Variants in DLGAP1 observed in about 807,000 individuals in gnomAD.
The protein encoded by DLGAP1 is disks large-associated protein 1.
A neutral mutation model predicts 90.8 loss-of-function variants in DLGAP1; 11 were observed. The ratio of observed to expected loss-of-function variants is 0.12; its 90% CI spans 0.08 to 0.20. The LOEUF (loss-of-function observed/expected upper bound fraction) is 0.20, where lower values mean the gene tolerates loss of function less well. Among genes scored for constraint, DLGAP1 ranks in the 10% least tolerant of loss-of-function variants. The pLI is 1.00. For synonymous variants in DLGAP1, 558 were observed against 540.7 expected (o/e 1.03, Z -0.44); for missense variants, 1,050 against 1,333.8 (o/e 0.79, Z 3.31).
In DLGAP1 at chr18:3,731,519, C is replaced by T. The variant is rs77232458; in HGVS notation, c.1351-2144G>A. On this transcript the variant is annotated intron_variant, in intron 6 of 12. Coordinates refer to ENST00000315677, the MANE Select transcript of DLGAP1 (RefSeq NM_004746.4). Reference sequence around the variant, plus strand: ...TTACTGTAGCCTCAAGCAATCCTCCCGACTCATTTTCCTGGATAGCTGGGA... The same window carrying T: ...TTACTGTAGCCTCAAGCAATCCTCCTGACTCATTTTCCTGGATAGCTGGGA... 2.0e-3 allele frequency among the ~76,000 whole-genome samples: 298 copies of T among 151,028 alleles called. 3 individuals are homozygous for T. The highest frequency in any genetic ancestry group is 3.5e-3 in the Non-Finnish European group (236 of 67,902).
chr18:4,429,125 G>T (rs1598406724), intron 1 of DLGAP1, among the ~76,000 whole-genome samples: 1 of 152,080 alleles, frequency 6.6e-6, no homozygotes, highest in South Asian at 2.1e-4. Context: ...AATCTATTTA[G>T]GTCAGTATAT....
chr18:3,992,254 A>G (rs1210409843), intron 3 of DLGAP1, among the ~76,000 whole-genome samples: 1 of 152,236 alleles, frequency 6.6e-6, no homozygotes, highest in East Asian at 1.9e-4. Context: ...ACTACTTTGT[A>G]AAGTAGGGAA....
In DLGAP1 at chr18:3,599,461, G is replaced by A. The variant is rs542643106; in HGVS notation, c.1592-17213C>T. Among the ~76,000 whole-genome samples the A allele has an allele frequency of 5.3e-5, 8 of 152,248 alleles. No homozygotes were observed. In the East Asian group the frequency reaches 1.4e-3, roughly 26 times the overall value. ...TTTGGCTAGTGGCTTTTAGAATTGG[G>A]GCAGAAGGATGCCATCCTACTCCCA... On this transcript the variant is annotated intron_variant, in intron 7 of 12. Transcript: ENST00000315677.
At chr18:4,038,958 C>T (rs1377478231) in intron 2 of DLGAP1, among the ~76,000 whole-genome samples, 1 of 152,064 alleles carries the variant, frequency 6.6e-6, no homozygotes, top group Non-Finnish European at 1.5e-5. Flanking sequence ...AATCAAGGCG[C>T]CACAAGGGTT....
intron 7 of DLGAP1, among the ~76,000 whole-genome samples, chr18:3,679,311 A>C (rs2060426131): frequency 6.6e-6 from 1 of 152,030 alleles, no homozygotes; most frequent in African/African-American, 2.4e-5. Context: ...AACATAAAAA[A>C]CAGTGAAGTC....
chr18:4,049,226 CAAAA>C (rs71368721), intron 2 of DLGAP1, among the ~76,000 whole-genome samples: 6 of 134,186 alleles, frequency 4.5e-5, no homozygotes, highest in Non-Finnish European at 1.6e-5. Flanking sequence ...GACTCTGTCT[CAAAA>C]AAAAAAAAAA....
At chr18:3,648,443 G>A (rs373819994) in intron 7 of DLGAP1, among the ~76,000 whole-genome samples, 2 of 152,168 alleles carry the variant, frequency 1.3e-5, no homozygotes, top group East Asian at 1.9e-4. Flanking sequence ...GTGATGTATC[G>A]TTTAAGAGGG....
chr18:3,594,813 C>A (rs1230926998), intron 7 of DLGAP1, among the ~76,000 whole-genome samples: 5 of 152,314 alleles, frequency 3.3e-5, no homozygotes, highest in Non-Finnish European at 7.4e-5. Flanking sequence ...AGCCCAGAAA[C>A]AGGATTCCTG....
In DLGAP1 at chr18:3,793,340, T is replaced by C. The variant is rs201944862; in HGVS notation, c.1172+20719A>G. On this transcript the variant is annotated intron_variant, in intron 5 of 12. Coordinates refer to ENST00000315677, the MANE Select transcript of DLGAP1 (RefSeq NM_004746.4). ...TCTCACTCTCACTGTCCCGGAGGGC[T>C]GTGTGGCTTTCCCTGACTTCCATCC... Among the ~76,000 whole-genome samples the C allele has an allele frequency of 2.6e-5, 4 of 152,254 alleles. No homozygotes were observed. In the East Asian group the frequency reaches 7.7e-4, roughly 29 times the overall value.
intron 1 of DLGAP1, among the ~76,000 whole-genome samples, chr18:4,195,776 A>G (rs906041551): frequency 8.5e-5 from 13 of 152,174 alleles, no homozygotes; most frequent in African/African-American, 3.1e-4. Context: ...TGGTCTCGAA[A>G]TCCCAATGTC....
chr18:3,863,732 C>A (rs1386464788), intron 4 of DLGAP1, among the ~76,000 whole-genome samples: 1 of 152,232 alleles, frequency 6.6e-6, no homozygotes, highest in Non-Finnish European at 1.5e-5. Flanking sequence ...TTCCCCAGGG[C>A]CCGCTCAGCC....
chr18:3,734,929 A>G (rs1833283985), intron 6 of DLGAP1, among the ~76,000 whole-genome samples: 1 of 152,050 alleles, frequency 6.6e-6, no homozygotes, highest in South Asian at 2.1e-4. Flanking sequence ...TTTACTTTAT[A>G]TTTTCTAGAA....
At chr18:4,356,468 C>T (rs2081518740) in intron 1 of DLGAP1, among the ~76,000 whole-genome samples, 1 of 152,108 alleles carries the variant, frequency 6.6e-6, no homozygotes, top group South Asian at 2.1e-4. Flanking sequence ...CCTATGTCAA[C>T]AATGGACAAT....
At chr18:3,622,797 C>CT (rs968901381) in intron 7 of DLGAP1, among the ~76,000 whole-genome samples, 3 of 151,462 alleles carry the variant, frequency 2.0e-5, no homozygotes, top group African/African-American at 4.9e-5. Flanking sequence ...TCATTGATTT[C>CT]TTTTTTTTTC....
intron 10 of DLGAP1, among the ~76,000 whole-genome samples, chr18:3,521,209 G>T (rs981491228): frequency 6.6e-6 from 1 of 152,136 alleles, no homozygotes; most frequent in Non-Finnish European, 1.5e-5. Flanking sequence ...ATTACAATTA[G>T]GGGTACAAGG....
chr18:3,979,224 G>A (rs971840486), intron 3 of DLGAP1, among the ~76,000 whole-genome samples: 2 of 138,458 alleles, frequency 1.4e-5, no homozygotes, highest in African/African-American at 5.3e-5. Context: ...TAAGACTATA[G>A]AGCCCTATTT....
At chr18:3,726,879 A>C (rs1431480059) in intron 7 of DLGAP1, among the ~76,000 whole-genome samples, 1 of 152,222 alleles carries the variant, frequency 6.6e-6, no homozygotes, top group Non-Finnish European at 1.5e-5. Flanking sequence ...TAAGATTCAT[A>C]GAGTCCAAGA....
intron 1 of DLGAP1, among the ~76,000 whole-genome samples, chr18:4,348,404 G>A (rs951904412): frequency 1.1e-5 from 1 of 88,238 alleles, no homozygotes; most frequent in Admixed American, 1.1e-4. Context: ...TCAGGAATGT[G>A]TGTGTGTGTG....
intron 5 of DLGAP1, among the ~76,000 whole-genome samples, chr18:3,770,717 G>A (rs552738209): frequency 6.6e-6 from 1 of 152,306 alleles, no homozygotes; most frequent in Admixed American, 6.5e-5. Flanking sequence ...TAAGGCAGAA[G>A]TATATTTGAA....
Sources: gnomAD v4.1 joint callset for allele counts (sites outside exome capture counted in the v4.1 genomes callset) on GRCh38, gnomAD v4.1.1 for gene constraint, MANE v1.5 for transcripts, NCBI Gene and HGNC (gene_info 2026-07-23, HGNC 2026-07-21) for gene names.